Variants in PCM1 observed in about 807,000 individuals in gnomAD.
PCM1 encodes the protein pericentriolar material 1 protein.
PCM1 carries 157 observed loss-of-function variants against 241.9 expected under a neutral mutation model. The ratio of observed to expected loss-of-function variants is 0.65; its 90% CI spans 0.57 to 0.74. The LOEUF is 0.74. Ranked by LOEUF, PCM1 falls within the 30% of genes least tolerant of loss-of-function variation. The pLI is 0.00. For missense variants in PCM1, 3,478 were observed against 2,360.1 expected, an observed-to-expected ratio of 1.47 and a Z score of -9.81; for synonymous variants, 1,085 against 784.9, an observed-to-expected ratio of 1.38 and a Z score of -6.39.
In PCM1 at chr8:17,956,741, C is replaced by T. The variant is rs931443015; in HGVS notation, c.1610C>T (p.Ser537Phe). The change falls in exon 11 of 39, where the codon TCT becomes TTT. Residue 537 changes from serine to phenylalanine, a missense_variant. Transcript: ENST00000325083. ...DEETEESEYDSEHENSEPVTN... is the reference protein window; with the variant it reads ...DEETEESEYDFEHENSEPVTN... The stretch of plus-strand genomic sequence containing the variant: ...GAAACTGAAGAGTCAGAATATGATT[C>T]TGAGCATGAAAATTCCGAGCCTGTT... 7 of 1,608,994 alleles carry T rather than the reference C, an allele frequency of 4.4e-6. No individual in the cohort carries two copies. Among genetic ancestry groups the T allele is most frequent in the African/African-American group, 1.3e-5 (1 of 74,976 alleles).
At chr8:17,955,783 T>TA in intron 10 of PCM1, 130 bp downstream of exon 10, 1 of 735,578 alleles carries the variant, frequency 1.4e-6, no homozygotes, top group Admixed American at 2.2e-5. Context: ...AAGGGATAGG[T>TA]AGAAGAGGCG....
intron 2 of PCM1, 112 bp from the exon 3 acceptor site, chr8:17,935,477 A>G: frequency 1.7e-6 from 1 of 595,250 alleles, no homozygotes; most frequent in South Asian, 2.2e-5. Context: ...GCCTCATTTT[A>G]GTTCATAAAA....
chr8:18,015,455 C>T (rs918709772), intron 36 of PCM1, among the ~76,000 whole-genome samples: 1 of 152,168 alleles, frequency 6.6e-6, no homozygotes, highest in Admixed American at 6.5e-5. Flanking sequence ...AGCTTAACCC[C>T]AGCCTGTCAT....
intron 23 of PCM1, among the ~76,000 whole-genome samples, chr8:17,974,227 A>G (rs764237994): frequency 1.9e-4 from 29 of 152,218 alleles, no homozygotes; most frequent in Non-Finnish European, 3.5e-4. Flanking sequence ...TTCCAAGATT[A>G]CTGTTGGTGC....
At chr8:17,938,610 C>T in intron 4 of PCM1, 130 bp from the exon 5 acceptor site, 1 of 636,056 alleles carries the variant, frequency 1.6e-6, no homozygotes. Flanking sequence ...TCTTTCAGGT[C>T]TTAGTGCAAA....
chr8:17,929,787 G>A (rs998833751), intron 2 of PCM1, among the ~76,000 whole-genome samples: 4 of 152,144 alleles, frequency 2.6e-5, no homozygotes, highest in Non-Finnish European at 5.9e-5. Context: ...GTTATTTCCT[G>A]TATGTATGTA....
chr8:17,996,276 G>C (rs1470022383), intron 29 of PCM1, among the ~76,000 whole-genome samples: 1 of 152,120 alleles, frequency 6.6e-6, no homozygotes, highest in Non-Finnish European at 1.5e-5. Flanking sequence ...TGGTTTTTCA[G>C]CATCAGTTAA....
intron 8 of PCM1, among the ~76,000 whole-genome samples, chr8:17,951,643 A>T (rs1027034744): frequency 2.0e-5 from 3 of 151,686 alleles, no homozygotes; most frequent in Non-Finnish European, 4.4e-5. Context: ...ACCTTATTTT[A>T]AAAAAAGTCT....
chr8:18,025,826 A>T (rs923170879), intron 38 of PCM1, among the ~76,000 whole-genome samples, 168 bp downstream of exon 38: 1 of 152,352 alleles, frequency 6.6e-6, no homozygotes, highest in East Asian at 1.9e-4. Flanking sequence ...TTTATAAAAC[A>T]GTGTCAGATA....
At position 17,960,078 on chromosome 8, in the gene PCM1, C is replaced by A; in HGVS notation, c.2105C>A (p.Ala702Glu). 6.2e-7 allele frequency: 1 copy of A among 1,610,588 alleles called. No individual in the cohort carries two copies. ...TCAAATTTGGATGATTTCTACCCAG[C>A]AGAAGAAGACACCAAGCAAAATTCA... is the stretch of plus-strand genomic sequence containing the variant. ...SASNLDDFYPAEEDTKQNSNN... is the reference protein window; with the variant it reads ...SASNLDDFYPEEEDTKQNSNN... Residue 702 changes from alanine (A) to glutamate (E), a missense_variant, in exon 14 of 39, where the codon GCA (alanine) becomes GAA (glutamate). Transcript: ENST00000325083.
rs1277881607 is a variant in PCM1 at position 17,963,273 on chromosome 8, A to C, written c.2636A>C (p.Gln879Pro). 6.3e-7 allele frequency: 1 copy of C among 1,589,808 alleles called. No homozygotes were observed. Among genetic ancestry groups the C allele is most frequent in the South Asian group, 1.2e-5 (1 of 84,924 alleles). The change falls in exon 17 of 39, where the codon CAG becomes CCG. Residue 879 changes from glutamine to proline, a missense_variant. Gln to Pro is a moderately conservative substitution (Grantham distance 76). Transcript: ENST00000325083. ...GGATCTGAGAACCTATGTACTCCTCAGCAAAGTAGAACAGAAAAGTAAGAG... is the reference window on the plus strand; with the variant it reads ...GGATCTGAGAACCTATGTACTCCTCCGCAAAGTAGAACAGAAAAGTAAGAG... ...SDGSENLCTP[Q>P]QSRTEKTMAT...
At chr8:17,976,397 C>T (rs1359080400) in intron 23 of PCM1, among the ~76,000 whole-genome samples, 1 of 152,138 alleles carries the variant, frequency 6.6e-6, no homozygotes, top group Non-Finnish European at 1.5e-5. Context: ...CAAATGTACC[C>T]TACAAGGTTG....
chr8:17,948,531 C>T (rs958206764), intron 7 of PCM1, among the ~76,000 whole-genome samples: 4 of 151,922 alleles, frequency 2.6e-5, no homozygotes, highest in South Asian at 2.1e-4. Context: ...TCTTGAACTC[C>T]TGACCTTGTG....
At chr8:17,938,677 G>T (rs2061147906) in intron 4 of PCM1, 63 bp from the exon 5 acceptor site, 3 of 1,333,824 alleles carry the variant, frequency 2.2e-6, no homozygotes, top group Admixed American at 1.8e-5. Flanking sequence ...GAACATTGGG[G>T]TTAAAACAAA....
At chr8:17,938,643 A>G in intron 4 of PCM1, 97 bp from the exon 5 acceptor site, 1 of 811,158 alleles carries the variant, frequency 1.2e-6, no homozygotes. Flanking sequence ...CACCTTCTGA[A>G]TCAATATCTG....
At chr8:17,979,579 A>G (rs191473909) in intron 23 of PCM1, among the ~76,000 whole-genome samples, 11 of 152,334 alleles carry the variant, frequency 7.2e-5, no homozygotes, top group Non-Finnish European at 1.3e-4. Context: ...GTAAGGAACA[A>G]ATTTAACAAG....
chr8:18,000,186 T>G (rs1402993320), intron 29 of PCM1, among the ~76,000 whole-genome samples: 1 of 152,054 alleles, frequency 6.6e-6, no homozygotes, highest in African/African-American at 2.4e-5. Flanking sequence ...GGCCTTAAGG[T>G]GAGAATTAGC....
At chr8:17,965,462 T>C (rs763613276) in intron 18 of PCM1, among the ~76,000 whole-genome samples, 11 of 152,196 alleles carry the variant, frequency 7.2e-5, no homozygotes, top group Non-Finnish European at 1.2e-4. Context: ...CAGATAGATA[T>C]TTTATTATAC....
At chr8:17,985,153 TATA>T (rs1423146120) in intron 24 of PCM1, among the ~76,000 whole-genome samples, 1 of 151,888 alleles carries the variant, frequency 6.6e-6, no homozygotes, top group Non-Finnish European at 1.5e-5. Flanking sequence ...CTATAAAATG[TATA>T]ATATTTTCTG....
Sources: allele counts gnomAD v4.1 joint callset (sites outside exome capture counted in the v4.1 genomes callset), GRCh38; gene constraint gnomAD v4.1.1; transcripts MANE v1.5; gene names NCBI Gene and HGNC (gene_info 2026-07-23, HGNC 2026-07-21).